Variants in INPPL1 observed in about 807,000 individuals in gnomAD.
INPPL1 encodes phosphatidylinositol 3,4,5-trisphosphate 5-phosphatase 2.
In INPPL1, 91 loss-of-function variants were observed where a neutral mutation model predicts 139.3. The observed-to-expected ratio is 0.65, with a 90% CI of 0.55 to 0.78. The LOEUF is 0.78. Ranked by LOEUF, INPPL1 falls within the 30% of genes least tolerant of loss-of-function variation. The probability of loss-of-function intolerance (pLI) is 0.00; values close to 1 mark genes in which losing one functional copy is unlikely to be tolerated. For missense variants in INPPL1, 1,411 were observed against 1,665.6 expected (o/e 0.85, Z 2.66); for synonymous variants, 719 against 686.6 (o/e 1.05, Z -0.74).
Position 72,235,665 on chromosome 11 carries a change from G to GC in INPPL1, c.2660-5dup, listed in dbSNP as rs757727254. ...AGGTCTCCTCTGAGTCTCCCTTCCTGCCCCCTCAGAGTGGATCAGCATTGA... is the reference window on the plus strand; with the variant it reads ...AGGTCTCCTCTGAGTCTCCCTTCCTGCCCCCCTCAGAGTGGATCAGCATTGA... On this transcript the variant is annotated splice_polypyrimidine_tract_variant and intron_variant, in intron 23 of 27. Coordinates refer to ENST00000298229, the MANE Select transcript of INPPL1 (RefSeq NM_001567.4). This position sits in a 1 kb window ranked among gnomAD's most constrained non-coding sequence, Gnocchi z 4.9. The GC allele has an allele frequency of 1.1e-5, 17 of 1,613,700 alleles. No individual in the cohort carries two copies. Among genetic ancestry groups the GC allele is most frequent in the South Asian group, 2.2e-5 (2 of 91,068 alleles).
rs745466235 is a variant in INPPL1, at chr11:72,237,704, C to A, written c.3460C>A (p.Pro1154Thr). The A allele has an allele frequency of 5.0e-6, 8 of 1,610,158 alleles. No individual in the cohort carries two copies. The highest frequency in any genetic ancestry group is 6.8e-6 in the Non-Finnish European group (8 of 1,178,564). The change falls in exon 26 of 28, where the codon CCC becomes ACC. Residue 1154 changes from proline to threonine, a missense_variant. This residue lies in a region of INPPL1 where 438 missense variants were observed against 425.7 expected (regional missense o/e 1.03). Transcript: ENST00000298229. The part of the protein sequence containing the change: ...ALLPGPLELQ[P>T]PRGLPSDYGR... ...CCTCCCAGGCCCCCTGGAGCTGCAGCCCCCCCGGGGACTGCCCTCGGACTA... is the reference window on the plus strand; with the variant it reads ...CCTCCCAGGCCCCCTGGAGCTGCAGACCCCCCGGGGACTGCCCTCGGACTA...
chr11:72,225,092 C>G lies in INPPL1; in HGVS notation c.108C>G (p.Ala36=). ...LSRAAAEELL[A]RAGRDGSFLV... ...GGGCGGCCGCGGAGGAGCTGCTGGC[C>G]CGGGCGGGCCGCGATGGCAGCTTCC... Residue 36 remains alanine (A), a synonymous_variant, in exon 1 of 28, where the codon GCC becomes GCG. Transcript: ENST00000298229. The G allele has an allele frequency of 8.1e-7, 1 of 1,231,046 alleles. No homozygotes were observed. The highest frequency in any genetic ancestry group is 1.0e-6 in the Non-Finnish European group (1 of 987,382). The allele number at this position is 1,231,046 out of a possible 1,614,324, so 76.3% of individuals were successfully genotyped here.
chr11:72,228,375 T>C lies in INPPL1; in HGVS notation c.274T>C (p.Phe92Leu). Residue 92 changes from phenylalanine to leucine, a missense_variant, in exon 3 of 28, where the codon TTC becomes CTC. Coordinates refer to ENST00000298229, the MANE Select transcript of INPPL1 (RefSeq NM_001567.4). This position sits in a 1 kb window ranked among gnomAD's most constrained non-coding sequence, Gnocchi z 5.0. ...CTCGCAGGGTGTGCCTGTGCGCCGC[T>C]TCCAGACCCTGGGTGAGCTCATCGG... is the stretch of plus-strand genomic sequence containing the variant. ...QTSQGVPVRR[F>L]QTLGELIGLY... The C allele has an allele frequency of 6.2e-7, 1 of 1,613,496 alleles. No homozygotes were observed.
At position 72,235,676 on chromosome 11, in the gene INPPL1, G is replaced by A. The variant is rs1226735184; in HGVS notation, c.2661G>A (p.Glu887=). 1 of 1,614,006 alleles carries A rather than the reference G, an allele frequency of 6.2e-7. No homozygotes were observed. Among genetic ancestry groups the A allele is most frequent in the Non-Finnish European group, 8.5e-7 (1 of 1,180,000 alleles). Residue 887 remains glutamate, a splice_region_variant and synonymous_variant, in exon 24 of 28, where the codon GAG becomes GAA. Coordinates refer to ENST00000298229, the MANE Select transcript of INPPL1 (RefSeq NM_001567.4). This position sits in a 1 kb window ranked among gnomAD's most constrained non-coding sequence, Gnocchi z 4.9. ...GAGTCTCCCTTCCTGCCCCCTCAGA[G>A]TGGATCAGCATTGATAAGGATGAGG... ...ERLGTRERLY[E]WISIDKDEAG... is the part of the protein sequence containing the mutation.
chr11:72,228,825 C>A lies in INPPL1; in HGVS notation c.496C>A (p.Pro166Thr), dbSNP rs999276105. 1.9e-6 allele frequency: 3 copies of A among 1,611,402 alleles called. No individual in the cohort carries two copies. The highest frequency in any genetic ancestry group is 2.5e-6 in the Non-Finnish European group (3 of 1,178,606). ...PSSPLPAPET[P>T]TAPAAESAPN... ...CAGTCCCCTGCCAGCTCCTGAGACTCCCACAGCTCCAGCTGCTGAGAGGTG... is the reference window on the plus strand; with the variant it reads ...CAGTCCCCTGCCAGCTCCTGAGACTACCACAGCTCCAGCTGCTGAGAGGTG... The change falls in exon 4 of 28, where the codon CCC (proline) becomes ACC (threonine). Residue 166 changes from proline to threonine, a missense_variant. Physicochemically the swap from Pro to Thr is conservative, Grantham distance 38 (BLOSUM62 -1). Around this residue, in one of 5 missense-constraint regions of INPPL1, gnomAD observed 504 missense variants for 595.6 expected, o/e 0.85. Coordinates refer to ENST00000298229, the MANE Select transcript of INPPL1 (RefSeq NM_001567.4). The surrounding 1 kb of genome is among the most constrained non-coding windows in gnomAD (Gnocchi z 5.0).
In INPPL1 at chr11:72,238,177, T is replaced by TGGGGGAGGGGCTGGCCCC; in HGVS notation, c.3686+8_3686+25dup. ...CTGGGACGACCTGGAGTTTCTCAGG[T>TGGGGGAGGGGCTGGCCCC]GGGGGAGGGGCTGGCCCCGGGGGCG... is the stretch of plus-strand genomic sequence containing the variant. On this transcript the variant is annotated splice_region_variant and intron_variant, in intron 27 of 27. Transcript: ENST00000298229. 6.2e-7 allele frequency: 1 copy of TGGGGGAGGGGCTGGCCCC among 1,604,242 alleles called. No individual in the cohort carries two copies. Among genetic ancestry groups the TGGGGGAGGGGCTGGCCCC allele is most frequent in the Non-Finnish European group, 8.5e-7 (1 of 1,175,534 alleles).
chr11:72,237,028 A>G lies in INPPL1; in HGVS notation c.2880-96A>G, dbSNP rs941373894. On this transcript the variant is annotated intron_variant, in intron 25 of 27. Coordinates refer to ENST00000298229, the MANE Select transcript of INPPL1 (RefSeq NM_001567.4). The stretch of plus-strand genomic sequence containing the variant: ...TCATGAGAAAGTCTAGGACCAGGGG[A>G]CTTTCTGACTCCCGTCTAGTTCTCC... The G allele has an allele frequency of 7.4e-6, 8 of 1,075,730 alleles. No individual in the cohort carries two copies. In the South Asian group the frequency reaches 1.2e-4, roughly 16 times the overall value. 66.6% of individuals were successfully genotyped at this position (1,075,730 alleles called of 1,614,324 possible).
In INPPL1 at chr11:72,230,255, C is replaced by T. The variant is rs1381665197; in HGVS notation, c.1074C>T (p.Thr358=). The change falls in exon 9 of 28, where the codon ACC becomes ACT. Residue 358 remains threonine, a synonymous_variant. Transcript: ENST00000298229. ...RQRDSQEDWT[T]FTHDRIRQLI... is the part of the protein sequence containing the mutation. ...GGGACTCCCAGGAGGACTGGACCAC[C>T]TTCACGCACGACCGCAGTGAGCCAG... is the stretch of plus-strand genomic sequence containing the variant. The T allele has an allele frequency of 6.2e-7, 1 of 1,608,174 alleles. No individual in the cohort carries two copies. The highest frequency in any genetic ancestry group is 1.3e-5 in the African/African-American group (1 of 75,004).
chr11:72,229,263 C>A, intron 5 of INPPL1, 33 bp downstream of exon 5: 1 of 1,579,556 alleles, frequency 6.3e-7, no homozygotes, highest in Non-Finnish European at 8.6e-7. Flanking sequence ...TGTATTACAC[C>A]CTTACCTCTG....
rs748455961 is a variant in INPPL1 at position 72,233,134 on chromosome 11, T to C, written c.2011T>C (p.Tyr671His). 32 of 1,613,810 alleles carry C rather than the reference T, an allele frequency of 2.0e-5. No individual in the cohort carries two copies. The highest frequency in any genetic ancestry group is 6.7e-5 in the East Asian group (3 of 44,884). Residue 671 changes from tyrosine (Y) to histidine (H), a missense_variant, in exon 17 of 28, where the codon TAT becomes CAT. Coordinates refer to ENST00000298229, the MANE Select transcript of INPPL1 (RefSeq NM_001567.4). ...CTATGAGCGGGGTTCCCGGGACACA[T>C]ATGCCTGGCACAAGCAGAAGCCAAC... ...YRYERGSRDT[Y>H]AWHKQKPTGV...
chr11:72,236,013 C>T (rs553687037), intron 25 of INPPL1, 27 bp downstream of exon 25: 45 of 1,329,532 alleles, frequency 3.4e-5, no homozygotes, highest in Non-Finnish European at 4.6e-5. Flanking sequence ...GTCACCGCCC[C>T]CCCTTCCCCC....
At chr11:72,230,298 G>A (rs766023674) in intron 9 of INPPL1, 27 bp downstream of exon 9, 13 of 1,610,830 alleles carry the variant, frequency 8.1e-6, no homozygotes, top group Admixed American at 1.7e-5. Context: ...CCTGGGAGGG[G>A]TGGGCAGGGC....
chr11:72,232,500 G>C, intron 14 of INPPL1, 126 bp from the exon 15 acceptor site: 1 of 1,321,870 alleles, frequency 7.6e-7, no homozygotes, highest in Non-Finnish European at 1.1e-6. Flanking sequence ...CCCTAACCTT[G>C]TCCCCAGGGG....
In INPPL1 at chr11:72,229,107, G is replaced by C. The variant is rs145769072; in HGVS notation, c.536G>C (p.Ser179Thr). ...CCCCAAAGTGCTCCCAATGGGCTGA[G>C]CACCGTCTCGCACGACTACCTGAAA... ...PAAESAPNGL[S>T]TVSHDYLKGS... The change falls in exon 5 of 28, where the codon AGC (serine) becomes ACC (threonine). Residue 179 changes from serine to threonine, a missense_variant. Physicochemically the swap from Ser to Thr is moderately conservative, Grantham distance 58. Transcript: ENST00000298229. 6.2e-7 allele frequency: 1 copy of C among 1,612,542 alleles called. No homozygotes were observed. Among genetic ancestry groups the C allele is most frequent in the Non-Finnish European group, 8.5e-7 (1 of 1,179,154 alleles).
At chr11:72,227,195 G>A (rs1157438330) in intron 1 of INPPL1, among the ~76,000 whole-genome samples, 1 of 152,138 alleles carries the variant, frequency 6.6e-6, no homozygotes, top group Non-Finnish European at 1.5e-5. Context: ...CTTCTGCCAT[G>A]GTTTAAAATC....
intron 1 of INPPL1, among the ~76,000 whole-genome samples, chr11:72,227,546 C>T (rs1948707600): frequency 6.6e-6 from 1 of 152,130 alleles, no homozygotes; most frequent in Admixed American, 6.5e-5. Context: ...TCTTCCATCC[C>T]CCGCTGATTG....
chr11:72,229,346 C>G, intron 5 of INPPL1, 116 bp downstream of exon 5: 1 of 1,413,534 alleles, frequency 7.1e-7, no homozygotes, highest in Non-Finnish European at 9.9e-7. Flanking sequence ...TAGCCATTGC[C>G]TCTTGACTTT....
Position 72,238,461 on chromosome 11 carries a change from C to T in INPPL1, c.*108C>T, listed in dbSNP as rs1309025767. On this transcript the variant is annotated 3_prime_UTR_variant, in exon 28 of 28. Transcript: ENST00000298229. Reference sequence around the variant, plus strand: ...TGAGGGTCAGGGCAGTATCTCTCTGCCTATTTATTGGGGTGCCTATTTATT... The same window carrying T: ...TGAGGGTCAGGGCAGTATCTCTCTGTCTATTTATTGGGGTGCCTATTTATT... 1.2e-5 allele frequency: 10 copies of T among 853,748 alleles called. No individual in the cohort carries two copies. The South Asian group carries it at 2.0e-4, about 17-fold the overall frequency. 52.9% of individuals were successfully genotyped at this position (853,748 alleles called of 1,614,324 possible). A position where few individuals can be genotyped will look rare whatever the true frequency, so the allele number is the denominator to read the frequency against.
At chr11:72,232,205 T>C in intron 13 of INPPL1, 35 bp from the exon 14 acceptor site, 3 of 1,485,824 alleles carry the variant, frequency 2.0e-6, no homozygotes, top group Middle Eastern at 1.7e-4. Flanking sequence ...CCTCTGAGGA[T>C]GACCCAGGCC....
Sources: gnomAD v4.1 joint callset for allele counts (sites outside exome capture counted in the v4.1 genomes callset) on GRCh38, gnomAD v4.1.1 for gene constraint, gnomAD v4.1.1 regional missense constraint, Gnocchi (gnomAD v3.1) non-coding constraint, MANE v1.5 for transcripts, NCBI Gene and HGNC (gene_info 2026-07-23, HGNC 2026-07-21) for gene names.